NUMB: variants seen among roughly 807,000 people sequenced by gnomAD.
NUMB encodes protein numb homolog.
NUMB carries 29 observed loss-of-function variants against 59.7 expected under a neutral mutation model. That is an observed-to-expected ratio of 0.49 (90% CI 0.36 to 0.66). The LOEUF (loss-of-function observed/expected upper bound fraction) is 0.66, where lower values mean the gene tolerates loss of function less well. Among genes scored for constraint, NUMB ranks in the 30% least tolerant of loss-of-function variants. The pLI is 0.00. For missense variants in NUMB, 723 were observed against 822.0 expected, an observed-to-expected ratio of 0.88 and a Z score of 1.47; for synonymous variants, 288 against 288.2, an observed-to-expected ratio of 1.00 and a Z score of 0.01.
chr14:73,414,568 T>C (rs1047242628), intron 1 of NUMB, among the ~76,000 whole-genome samples: 3 of 152,052 alleles, frequency 2.0e-5, no homozygotes, highest in African/African-American at 4.8e-5. Context: ...TAATTTTTCA[T>C]AGAGATGGGG....
chr14:73,450,878 G>A (rs911340336), intron 1 of NUMB, among the ~76,000 whole-genome samples: 5 of 151,668 alleles, frequency 3.3e-5, no homozygotes, highest in Admixed American at 2.0e-4. Context: ...TAAACCAAAC[G>A]CAGTGACTCA....
At chr14:73,303,155 T>A (rs1309171489) in intron 6 of NUMB, among the ~76,000 whole-genome samples, 2 of 150,890 alleles carry the variant, frequency 1.3e-5, no homozygotes, top group Non-Finnish European at 3.0e-5. Context: ...GAGGTGGAGG[T>A]TGCAGTGAGC....
chr14:73,322,028 C>T (rs986619226), intron 5 of NUMB, among the ~76,000 whole-genome samples: 2 of 151,780 alleles, frequency 1.3e-5, no homozygotes, highest in Admixed American at 6.6e-5. Flanking sequence ...TAGACTATGC[C>T]GAGAAGCACA....
chr14:73,430,639 A>C, intron 1 of NUMB, among the ~76,000 whole-genome samples: 1 of 151,714 alleles, frequency 6.6e-6, no homozygotes, highest in Admixed American at 6.6e-5. Flanking sequence ...CCGTCTCAAA[A>C]CAAACAAAAA....
At chr14:73,307,095 G>A (rs1209568762) in intron 6 of NUMB, among the ~76,000 whole-genome samples, 2 of 152,162 alleles carry the variant, frequency 1.3e-5, no homozygotes, top group African/African-American at 2.4e-5. Context: ...GGATCACGAG[G>A]TCAGGTGATT....
chr14:73,445,354 CAAAAAAAAAAAAAA>C (rs752154048), intron 1 of NUMB, among the ~76,000 whole-genome samples: 497 of 57,226 alleles, frequency 8.7e-3, no homozygotes, highest in Middle Eastern at 0.018. Context: ...GACCCTGTCT[CAAAAAAAAAAAAAA>C]AAAAAAAAAA....
intron 5 of NUMB, among the ~76,000 whole-genome samples, chr14:73,319,691 G>A (rs1891293508): frequency 6.6e-6 from 1 of 152,118 alleles, no homozygotes; most frequent in Non-Finnish European, 1.5e-5. Context: ...AAATCAAAAG[G>A]CAACGAGAAA....
intron 2 of NUMB, among the ~76,000 whole-genome samples, chr14:73,402,148 G>C (rs1896448865): frequency 6.6e-6 from 1 of 152,166 alleles, no homozygotes; most frequent in Non-Finnish European, 1.5e-5. Context: ...TTACAGGAGT[G>C]AGCCACTGCA....
chr14:73,409,087 A>T (rs1896800922), intron 2 of NUMB: 1 of 152,118 alleles, frequency 6.6e-6, no homozygotes, highest in Admixed American at 6.5e-5. Context: ...AAGTAATACA[A>T]ATTGTGGCAG....
intron 2 of NUMB, among the ~76,000 whole-genome samples, chr14:73,393,622 T>C (rs1053972297): frequency 6.6e-6 from 1 of 152,222 alleles, no homozygotes; most frequent in Non-Finnish European, 1.5e-5. Context: ...AGTTGCTCTT[T>C]AGTAACAATG....
chr14:73,393,172 C>A (rs1484141220), intron 2 of NUMB, among the ~76,000 whole-genome samples: 2 of 152,154 alleles, frequency 1.3e-5, no homozygotes, highest in African/African-American at 4.8e-5. Context: ...TATCACATTG[C>A]ATTTAATCCT....
intron 2 of NUMB, among the ~76,000 whole-genome samples, chr14:73,383,186 G>T (rs1055618466): frequency 2.0e-5 from 3 of 152,050 alleles, no homozygotes; most frequent in Non-Finnish European, 4.4e-5. Flanking sequence ...GGGATCCAGG[G>T]ATCCAGACAT....
intron 1 of NUMB, among the ~76,000 whole-genome samples, chr14:73,439,773 G>A (rs956255615): frequency 6.6e-6 from 1 of 152,138 alleles, no homozygotes; most frequent in Non-Finnish European, 1.5e-5. Flanking sequence ...AGAAAGGAGA[G>A]AGAAAGAGAA....
intron 2 of NUMB, among the ~76,000 whole-genome samples, chr14:73,395,037 T>TTATGTGTGTGTGTGTGTGTGTGTGTGTG (rs1230785169): frequency 1.7e-5 from 2 of 119,922 alleles, no homozygotes; most frequent in Admixed American, 1.8e-4. Flanking sequence ...ATTCGTGTGT[T>TTATGTGTGTGTGTGTGTGTGTGTGTGTG]TGTGTGTGTG....
intron 2 of NUMB, among the ~76,000 whole-genome samples, chr14:73,384,750 G>GTTTC (rs1483810537): frequency 6.6e-6 from 1 of 151,504 alleles, no homozygotes; most frequent in Non-Finnish European, 1.5e-5. Context: ...TTGTTTGTTT[G>GTTTC]TTTGTTTGTT....
At position 73,292,099 on chromosome 14, in the gene NUMB, C is replaced by T. The variant is rs576252240; in HGVS notation, c.450+635G>A. Among the ~76,000 whole-genome samples, 11 of 152,198 alleles carry T rather than the reference C, an allele frequency of 7.2e-5. No homozygotes were observed. The East Asian group carries it at 2.1e-3, about 29-fold the overall frequency. On this transcript the variant is annotated intron_variant, in intron 8 of 12. Coordinates refer to ENST00000555238, the MANE Select transcript of NUMB (RefSeq NM_001005743.2). ...TGTCACCCAGGCTGGAGTGTAATGG[C>T]ACGATGACTCACTGTAGCCTCCAAC... is the stretch of plus-strand genomic sequence containing the variant.
chr14:73,428,126 G>GA (rs1169362252), intron 1 of NUMB, among the ~76,000 whole-genome samples: 1 of 152,112 alleles, frequency 6.6e-6, no homozygotes, highest in African/African-American at 2.4e-5. Flanking sequence ...TGATACAATT[G>GA]AAAAGTTTTG....
intron 2 of NUMB, among the ~76,000 whole-genome samples, chr14:73,377,513 G>A (rs762912066): frequency 1.4e-4 from 22 of 151,908 alleles, no homozygotes; most frequent in Non-Finnish European, 3.2e-4. Context: ...GGTAGTACAT[G>A]CTTGTAATCC....
intron 7 of NUMB, among the ~76,000 whole-genome samples, 191 bp from the exon 8 acceptor site, chr14:73,293,065 C>T (rs1594870909): frequency 6.6e-6 from 1 of 152,284 alleles, no homozygotes; most frequent in East Asian, 1.9e-4. Flanking sequence ...GGCACTTTGC[C>T]CAGATACCTC....
Sources: gnomAD v4.1 joint callset for allele counts (sites outside exome capture counted in the v4.1 genomes callset) on GRCh38, gnomAD v4.1.1 for gene constraint, MANE v1.5 for transcripts, NCBI Gene and HGNC (gene_info 2026-07-23, HGNC 2026-07-21) for gene names.